The following SLAMF1 variants were observed in gnomAD, a reference collection of about 807,000 sequenced individuals.
SLAMF1 encodes signaling lymphocytic activation molecule.
A neutral mutation model predicts 35.1 loss-of-function variants in SLAMF1; 18 were observed. The observed-to-expected ratio is 0.51, with a 90% CI of 0.35 to 0.76. The LOEUF (loss-of-function observed/expected upper bound fraction) is 0.76. SLAMF1 is among the 30% of genes least tolerant of loss of function. The pLI is 0.01. For missense variants in SLAMF1, 392 were observed against 413.0 expected, an observed-to-expected ratio of 0.95 and a Z score of 0.44; for synonymous variants, 168 against 157.2, an observed-to-expected ratio of 1.07 and a Z score of -0.51.
intron 3 of SLAMF1, among the ~76,000 whole-genome samples, chr1:160,624,862 A>C (rs1362128561): frequency 1.3e-5 from 2 of 152,208 alleles, no homozygotes; most frequent in Non-Finnish European, 2.9e-5. Flanking sequence ...TTGAACTAGG[A>C]GCAACACTTT....
At chr1:160,627,079 G>A (rs1158347492) in intron 3 of SLAMF1, among the ~76,000 whole-genome samples, 1 of 152,152 alleles carries the variant, frequency 6.6e-6, no homozygotes, top group Non-Finnish European at 1.5e-5. Context: ...ATGGTATTTG[G>A]AGCCAGATAG....
intron 2 of SLAMF1, among the ~76,000 whole-genome samples, chr1:160,635,610 C>G (rs911186791): frequency 6.8e-6 from 1 of 146,112 alleles, no homozygotes; most frequent in African/African-American, 2.6e-5. Flanking sequence ...CTCGCTCTGT[C>G]ACCTAAGCTG....
At chr1:160,629,741 A>G (rs1017431902) in intron 3 of SLAMF1, among the ~76,000 whole-genome samples, 1 of 152,190 alleles carries the variant, frequency 6.6e-6, no homozygotes, top group African/African-American at 2.4e-5. Context: ...TTTTCTGGGC[A>G]TGTAGCTGCT....
chr1:160,612,810 A>C (rs777758067), intron 5 of SLAMF1, among the ~76,000 whole-genome samples: 3 of 152,144 alleles, frequency 2.0e-5, no homozygotes, highest in Non-Finnish European at 4.4e-5. Context: ...CAACCTCCCA[A>C]GGCAGCCTCA....
chr1:160,613,585 T>G lies in SLAMF1; in HGVS notation c.865-1005A>C, dbSNP rs573862595. Among the ~76,000 whole-genome samples, 56 of 152,346 alleles carry G rather than the reference T, an allele frequency of 3.7e-4. 1 individual carries two copies. The South Asian group carries it at 9.5e-3, about 26-fold the overall frequency. Reference sequence around the variant, plus strand: ...GACACTGGTTATGGGATAATGCTGCTGTCCACTCTCCCTGGGTATAGAGCC... The same window carrying G: ...GACACTGGTTATGGGATAATGCTGCGGTCCACTCTCCCTGGGTATAGAGCC... On this transcript the variant is annotated intron_variant, in intron 5 of 6. Transcript: ENST00000302035.
At chr1:160,627,041 A>T (rs1049745312) in intron 3 of SLAMF1, among the ~76,000 whole-genome samples, 1 of 152,170 alleles carries the variant, frequency 6.6e-6, no homozygotes, top group African/African-American at 2.4e-5. Flanking sequence ...TGGCAACATC[A>T]TCTTTACCAT....
At chr1:160,619,927 T>C (rs1236002919) in intron 4 of SLAMF1, 78 bp from the exon 5 acceptor site, 3 of 933,992 alleles carry the variant, frequency 3.2e-6, no homozygotes, top group Admixed American at 3.6e-5. Flanking sequence ...GTCTTTACTG[T>C]CCTTTGCATA....
intron 5 of SLAMF1, chr1:160,615,793 G>A: frequency 3.5e-6 from 1 of 283,370 alleles, no homozygotes; most frequent in South Asian, 3.2e-5. Flanking sequence ...AAAAGAAGAA[G>A]ACACAGAGAG....
At chr1:160,617,332 A>C (rs1263562945) in intron 5 of SLAMF1, among the ~76,000 whole-genome samples, 1 of 152,152 alleles carries the variant, frequency 6.6e-6, no homozygotes, top group Non-Finnish European at 1.5e-5. Context: ...TATATACCCA[A>C]AAAAATATGT....
Position 160,621,361 on chromosome 1 carries a change from C to T in SLAMF1, c.791-1512G>A, listed in dbSNP as rs575317441. ...AGATCACGAGGTCAGGAGTTTGAGA[C>T]CAGCCTGGCCAACATGGGGAAACCC... On this transcript the variant is annotated intron_variant, in intron 4 of 6. Transcript: ENST00000302035. Among the ~76,000 whole-genome samples, 44 of 152,140 alleles carry T rather than the reference C, an allele frequency of 2.9e-4. 1 individual carries two copies. The South Asian group carries it at 8.7e-3, about 30-fold the overall frequency.
Position 160,610,629 on chromosome 1 carries a change from G to C in SLAMF1, c.*119C>G. 1 of 725,686 alleles carries C rather than the reference G, an allele frequency of 1.4e-6. No homozygotes were observed. The highest frequency in any genetic ancestry group is 1.6e-5 in the South Asian group (1 of 61,858). The allele number at this position is 725,686 out of a possible 1,614,324, so 45.0% of individuals were successfully genotyped here. On this transcript the variant is annotated 3_prime_UTR_variant, in exon 7 of 7. Coordinates refer to ENST00000302035, the MANE Select transcript of SLAMF1 (RefSeq NM_003037.5). ...AGAAACATCACCAGGGAGTTGATCT[G>C]AGAAGGGTACAGACGTGCAGCATGT...
rs1256712355 is a variant in SLAMF1 at position 160,608,311 on chromosome 1, G to A, written c.*2437C>T. 2.0e-5 allele frequency: 3 copies of A among 152,194 alleles called. No homozygotes were observed. The highest frequency in any genetic ancestry group is 2.9e-5 in the Non-Finnish European group (2 of 68,044). 9.4% of individuals were successfully genotyped at this position (152,194 alleles called of 1,614,324 possible). A position where few individuals can be genotyped will look rare whatever the true frequency, so the allele number is the denominator to read the frequency against. On this transcript the variant is annotated 3_prime_UTR_variant, in exon 7 of 7. Transcript: ENST00000302035. The stretch of plus-strand genomic sequence containing the variant: ...TTCAGAACATCAGTCCCTTCAAACC[G>A]AGAATGGGTGTGTTCCTCCTGACTT...
intron 3 of SLAMF1, among the ~76,000 whole-genome samples, chr1:160,628,987 G>A (rs904992067): frequency 6.6e-5 from 10 of 152,188 alleles, no homozygotes; most frequent in African/African-American, 1.7e-4. Context: ...GTGATGCTGA[G>A]AAATCAAAGT....
At chr1:160,622,049 T>C (rs1659641839) in intron 4 of SLAMF1, among the ~76,000 whole-genome samples, 2 of 152,134 alleles carry the variant, frequency 1.3e-5, no homozygotes, top group Admixed American at 1.3e-4. Context: ...TCAAAGACTT[T>C]CAGTCTTGCA....
chr1:160,646,843 C>G lies in SLAMF1; in HGVS notation c.76+27G>C, dbSNP rs1441892595. 1.0e-5 allele frequency: 14 copies of G among 1,380,774 alleles called. No homozygotes were observed. In the Admixed American group the frequency reaches 2.4e-4, roughly 23 times the overall value. 85.5% of individuals were successfully genotyped at this position (1,380,774 alleles called of 1,614,324 possible). The stretch of plus-strand genomic sequence containing the variant: ...GATTCCTGGCAGCTAACATGGGACT[C>G]AAACCATCAGGCAGATGAACACTCA... On this transcript the variant is annotated intron_variant, in intron 1 of 6. Coordinates refer to ENST00000302035, the MANE Select transcript of SLAMF1 (RefSeq NM_003037.5).
chr1:160,627,612 T>A (rs1659947397), intron 3 of SLAMF1, among the ~76,000 whole-genome samples: 1 of 152,150 alleles, frequency 6.6e-6, no homozygotes, highest in Non-Finnish European at 1.5e-5. Flanking sequence ...TACATGGAAA[T>A]CAAATGTCAG....
intron 1 of SLAMF1, among the ~76,000 whole-genome samples, chr1:160,641,497 A>G (rs1660744723): frequency 6.6e-6 from 1 of 152,170 alleles, no homozygotes. Context: ...AATAAACGAA[A>G]GAACATAGAA....
chr1:160,628,410 T>C (rs560633389), intron 3 of SLAMF1, among the ~76,000 whole-genome samples: 2 of 152,212 alleles, frequency 1.3e-5, no homozygotes, highest in East Asian at 3.9e-4. Flanking sequence ...TCCTGGGGGG[T>C]CTCCACCTGC....
intron 1 of SLAMF1, among the ~76,000 whole-genome samples, chr1:160,637,812 A>G (rs1660536024): frequency 6.6e-6 from 1 of 152,200 alleles, no homozygotes; most frequent in Non-Finnish European, 1.5e-5. Flanking sequence ...TCAGGCATCT[A>G]AAAAGCACAG....
Sources: gnomAD v4.1 joint callset for allele counts (sites outside exome capture counted in the v4.1 genomes callset) on GRCh38, gnomAD v4.1.1 for gene constraint, MANE v1.5 for transcripts, NCBI Gene and HGNC (gene_info 2026-07-23, HGNC 2026-07-21) for gene names.